ZBTB39: variants seen among roughly 807,000 people sequenced by gnomAD.
The protein encoded by ZBTB39 is zinc finger and BTB domain containing 39.
ZBTB39 carries 25 observed loss-of-function variants against 39.4 expected under a neutral mutation model. That is an observed-to-expected ratio of 0.63 (90% confidence interval 0.46 to 0.89). The LOEUF (loss-of-function observed/expected upper bound fraction) is 0.89. Ranked by LOEUF, ZBTB39 falls within the 40% of genes least tolerant of loss-of-function variation. ZBTB39 has a pLI of 0.00. For missense variants in ZBTB39, 891 were observed against 909.7 expected, an observed-to-expected ratio of 0.98 and a Z score of 0.26; for synonymous variants, 373 against 359.6, an observed-to-expected ratio of 1.04 and a Z score of -0.42.
Position 57,003,541 on chromosome 12 carries a change from T to C in ZBTB39, c.1377A>G (p.Val459=), listed in dbSNP as rs914099299. The C allele has an allele frequency of 6.2e-7, 1 of 1,614,138 alleles. No homozygotes were observed. Among genetic ancestry groups the C allele is most frequent in the Non-Finnish European group, 8.5e-7 (1 of 1,179,982 alleles). ...PELKCAACGK[V]LAKDFHVVRG... is the part of the protein sequence containing the mutation. ...GGACCACATGGAAATCTTTGGCCAA[T>C]ACTTTCCCACAGGCAGCGCATTTCA... The change falls in exon 2 of 2, where the codon GTA becomes GTG. Residue 459 remains valine, a synonymous_variant. Transcript: ENST00000300101. The surrounding 1 kb of genome is among the most constrained non-coding windows in gnomAD (Gnocchi z 4.8).
Position 57,003,444 on chromosome 12 carries a change from G to C in ZBTB39, c.1474C>G (p.Leu492Val). ...CSVCDQRHLN[L>V]CSLMWHTLSH... ...AGCGTGTGCCACATGAGGCTGCAGA[G>C]GTTAAGGTGACGCTGGTCGCAGACA... The change falls in exon 2 of 2, where the codon CTC becomes GTC. Residue 492 changes from leucine (L) to valine (V), a missense_variant. By Grantham distance (32) the Leu-to-Val change is conservative. Coordinates refer to ENST00000300101, the MANE Select transcript of ZBTB39 (RefSeq NM_014830.3). The surrounding 1 kb of genome is among the most constrained non-coding windows in gnomAD (Gnocchi z 4.8). 1 of 1,613,934 alleles carries C rather than the reference G, an allele frequency of 6.2e-7. No homozygotes were observed. The highest frequency in any genetic ancestry group is 8.5e-7 in the Non-Finnish European group (1 of 1,179,768).
Position 57,003,183 on chromosome 12 carries a change from G to C in ZBTB39, c.1735C>G (p.Leu579Val), listed in dbSNP as rs750052890. 1 of 1,613,982 alleles carries C rather than the reference G, an allele frequency of 6.2e-7. No homozygotes were observed. The highest frequency in any genetic ancestry group is 8.5e-7 in the Non-Finnish European group (1 of 1,180,010). ...TCTGCTGGCAGCTTCCGCTTCTGGA[G>C]AGCTGGGTGCTGCAGCCCAAAACCA... ...RPGFGLQHPALQKRKLPAEEF... is the reference protein window; with the variant it reads ...RPGFGLQHPAVQKRKLPAEEF... Residue 579 changes from leucine (L) to valine (V), a missense_variant, in exon 2 of 2, where the codon CTC (leucine) becomes GTC (valine). Leu to Val is a conservative substitution (Grantham distance 32). Transcript: ENST00000300101. This position sits in a 1 kb window ranked among gnomAD's most constrained non-coding sequence, Gnocchi z 4.8.
At position 57,004,892 on chromosome 12, in the gene ZBTB39, C is replaced by T; in HGVS notation, c.26G>A (p.Ser9Asn). 6.2e-7 allele frequency: 1 copy of T among 1,604,040 alleles called. No individual in the cohort carries two copies. Among genetic ancestry groups the T allele is most frequent in the Non-Finnish European group, 8.5e-7 (1 of 1,173,208 alleles). MGMRIKLQ[S>N]TNHPNNLLKE... ...CAGCAGGTTGTTGGGGTGGTTGGTG[C>T]TTTGCAGTTTGATCCTCATGCCCAT... Residue 9 changes from serine (S) to asparagine (N), a missense_variant, in exon 2 of 2, where the codon AGC becomes AAC. Ser to Asn is a conservative substitution (Grantham distance 46). Coordinates refer to ENST00000300101, the MANE Select transcript of ZBTB39 (RefSeq NM_014830.3).
In ZBTB39 at chr12:57,003,567, G is replaced by A. The variant is rs754134041; in HGVS notation, c.1351C>T (p.Leu451=). ...ACTTTCCCACAGGCAGCGCATTTCA[G>A]CTCTGGGGAGGCTGCCCCTGAAAAG... The part of the protein sequence containing the change: ...GLFSGAASPE[L]KCAACGKVLA... The change falls in exon 2 of 2, where the codon CTG becomes TTG. Residue 451 remains leucine (L), a synonymous_variant. Transcript: ENST00000300101. The surrounding 1 kb of genome is among the most constrained non-coding windows in gnomAD (Gnocchi z 4.8). 310 of 1,614,050 alleles carry A rather than the reference G, an allele frequency of 1.9e-4. No homozygotes were observed. Among genetic ancestry groups the A allele is most frequent in the Non-Finnish European group, 2.4e-4 (283 of 1,179,986 alleles).
chr12:57,005,083 T>C (rs1956237298), intron 1 of ZBTB39, 122 bp from the exon 2 acceptor site: 2 of 655,216 alleles, frequency 3.1e-6, no homozygotes, highest in Admixed American at 3.2e-5. Flanking sequence ...AGGAGTAAAC[T>C]GGCATGGAGA....
rs758995455 is a variant in ZBTB39 at position 57,003,901 on chromosome 12, C to T, written c.1017G>A (p.Glu339=). The T allele has an allele frequency of 2.5e-6, 4 of 1,614,218 alleles. No individual in the cohort carries two copies. The Admixed American group carries it at 6.7e-5, about 27-fold the overall frequency. The change falls in exon 2 of 2, where the codon GAG becomes GAA. Residue 339 remains glutamate (E), a synonymous_variant. Transcript: ENST00000300101. This position sits in a 1 kb window ranked among gnomAD's most constrained non-coding sequence, Gnocchi z 4.8. ...ELAFGENDNR[E]NKAMPCQVCK... Reference sequence around the variant, plus strand: ...ACACCTGGCAGGGCATGGCCTTATTCTCCCGATTGTCATTCTCTCCAAAAG... The same window carrying T: ...ACACCTGGCAGGGCATGGCCTTATTTTCCCGATTGTCATTCTCTCCAAAAG...
At position 57,005,960 on chromosome 12, in the gene ZBTB39, G is replaced by A. The variant is rs1956242610; in HGVS notation, c.-45+445C>T. 2.0e-5 allele frequency among the ~76,000 whole-genome samples: 3 copies of A among 152,306 alleles called. No homozygotes were observed. In the South Asian group the frequency reaches 6.2e-4, roughly 32 times the overall value. ...AAGCGTCTAAGTATTGTGGGGTACC[G>A]GCCAAGCATCTCCCGGGCCCTGGTG... On this transcript the variant is annotated intron_variant, in intron 1 of 1. Transcript: ENST00000300101.
At position 57,003,841 on chromosome 12, in the gene ZBTB39, G is replaced by C; in HGVS notation, c.1077C>G (p.Ile359Met). Residue 359 changes from isoleucine (I) to methionine (M), a missense_variant, in exon 2 of 2, where the codon ATC (isoleucine) becomes ATG (methionine). Ile to Met is a conservative substitution (Grantham distance 10, BLOSUM62 1). Coordinates refer to ENST00000300101, the MANE Select transcript of ZBTB39 (RefSeq NM_014830.3). This position sits in a 1 kb window ranked among gnomAD's most constrained non-coding sequence, Gnocchi z 4.8. ...KKVLEPNIQL[I>M]RQHARDHVDL... Reference sequence around the variant, plus strand: ...CCACATGGTCCCGAGCATGCTGCCGGATCAGTTGAATGTTGGGCTCTAGAA... The same window carrying C: ...CCACATGGTCCCGAGCATGCTGCCGCATCAGTTGAATGTTGGGCTCTAGAA... 1 of 1,614,184 alleles carries C rather than the reference G, an allele frequency of 6.2e-7. No individual in the cohort carries two copies. The highest frequency in any genetic ancestry group is 1.6e-4 in the Middle Eastern group (1 of 6,062).
chr12:57,003,515 C>T lies in ZBTB39; in HGVS notation c.1403G>A (p.Arg468Gln), dbSNP rs557531963. Residue 468 changes from arginine (R) to glutamine (Q), a missense_variant, in exon 2 of 2, where the codon CGG becomes CAG. Arg to Gln is a conservative substitution (Grantham distance 43). Coordinates refer to ENST00000300101, the MANE Select transcript of ZBTB39 (RefSeq NM_014830.3). This position sits in a 1 kb window ranked among gnomAD's most constrained non-coding sequence, Gnocchi z 4.8. ...GTTTAGATGGTCAAGGATGTGGCCC[C>T]GGACCACATGGAAATCTTTGGCCAA... ...KVLAKDFHVVRGHILDHLNLK... is the reference protein window; with the variant it reads ...KVLAKDFHVVQGHILDHLNLK... 7.4e-6 allele frequency: 12 copies of T among 1,613,998 alleles called. No individual in the cohort carries two copies. Among genetic ancestry groups the T allele is most frequent in the South Asian group, 3.3e-5 (3 of 91,080 alleles).
Position 57,001,025 on chromosome 12 carries a change from A to C in ZBTB39, c.*1754T>G, listed in dbSNP as rs1956207130. The C allele has an allele frequency of 6.6e-6, 1 of 152,246 alleles. No homozygotes were observed. 9.4% of individuals were successfully genotyped at this position (152,246 alleles called of 1,614,324 possible). A position where few individuals can be genotyped will look rare whatever the true frequency, so the allele number is the denominator to read the frequency against. On this transcript the variant is annotated 3_prime_UTR_variant, in exon 2 of 2. Transcript: ENST00000300101. Reference sequence around the variant, plus strand: ...AGGGGGATGAAAGGCCTGGAATTTAACTGTCCCGAACTTTATAGAACATAC... The same window carrying C: ...AGGGGGATGAAAGGCCTGGAATTTACCTGTCCCGAACTTTATAGAACATAC...
At chr12:57,005,703 T>C (rs1251468911) in intron 1 of ZBTB39, among the ~76,000 whole-genome samples, 1 of 152,196 alleles carries the variant, frequency 6.6e-6, no homozygotes, top group Non-Finnish European at 1.5e-5. Context: ...GGGTTTATAT[T>C]TTGTTGTCCC....
At position 57,001,709 on chromosome 12, in the gene ZBTB39, G is replaced by C. The variant is rs956533108; in HGVS notation, c.*1070C>G. On this transcript the variant is annotated 3_prime_UTR_variant, in exon 2 of 2. Coordinates refer to ENST00000300101, the MANE Select transcript of ZBTB39 (RefSeq NM_014830.3). ...TTAGCACAAAGTAAACAGGTTACCC[G>C]ACTAGGACAGACAGTCAGAACGCAC... The C allele has an allele frequency of 6.6e-6, 1 of 150,866 alleles. No homozygotes were observed. The highest frequency in any genetic ancestry group is 1.5e-5 in the Non-Finnish European group (1 of 67,542). 9.3% of individuals were successfully genotyped at this position (150,866 alleles called of 1,614,324 possible). A position where few individuals can be genotyped will look rare whatever the true frequency, so the allele number is the denominator to read the frequency against.
rs368816933 is a variant in ZBTB39 at position 57,003,660 on chromosome 12, G to A, written c.1258C>T (p.Arg420Trp). 4.2e-5 allele frequency: 68 copies of A among 1,614,052 alleles called. No individual in the cohort carries two copies. The highest frequency in any genetic ancestry group is 1.6e-4 in the Middle Eastern group (1 of 6,084). ...ATGTTGTTCTCAAATATTCCATCCC[G>A]TCGGTGAAGGGTCAGCTGCCACTGG... ...FTQWQLTLHR[R>W]DGIFENNIIV... The change falls in exon 2 of 2, where the codon CGG (arginine) becomes TGG (tryptophan). Residue 420 changes from arginine (R) to tryptophan (W), a missense_variant. Arg to Trp is a moderately radical substitution (Grantham distance 101, BLOSUM62 -3). Coordinates refer to ENST00000300101, the MANE Select transcript of ZBTB39 (RefSeq NM_014830.3). This position sits in a 1 kb window ranked among gnomAD's most constrained non-coding sequence, Gnocchi z 4.8.
Position 57,004,381 on chromosome 12 carries a change from T to A in ZBTB39, c.537A>T (p.Gly179=), listed in dbSNP as rs759133935. ...DRNYVLPSDA[G]GSYKEEEKNV... Reference sequence around the variant, plus strand: ...TCTTCTCTTCCTCTTTATAGCTCCCTCCAGCATCACTGGGCAACACATAGT... The same window carrying A: ...TCTTCTCTTCCTCTTTATAGCTCCCACCAGCATCACTGGGCAACACATAGT... The change falls in exon 2 of 2, where the codon GGA becomes GGT. Residue 179 remains glycine, a synonymous_variant. Coordinates refer to ENST00000300101, the MANE Select transcript of ZBTB39 (RefSeq NM_014830.3). The A allele has an allele frequency of 1.7e-5, 28 of 1,614,042 alleles. No homozygotes were observed. The African/African-American group carries it at 1.7e-4, about 10-fold the overall frequency.
In ZBTB39 at chr12:57,002,940, T is replaced by C. The variant is rs1956218556; in HGVS notation, c.1978A>G (p.Met660Val). Residue 660 changes from methionine (M) to valine (V), a missense_variant, in exon 2 of 2, where the codon ATG (methionine) becomes GTG (valine). By Grantham distance (21) the Met-to-Val change is conservative. Transcript: ENST00000300101. ...CHLKTHSGAL[M>V]YRCTVCGHYS... ...TGCCCACAGACTGTGCAGCGGTACATGAGGGCCCCCGAGTGTGTCTTTAGG... is the reference window on the plus strand; with the variant it reads ...TGCCCACAGACTGTGCAGCGGTACACGAGGGCCCCCGAGTGTGTCTTTAGG... 2 of 1,614,216 alleles carry C rather than the reference T, an allele frequency of 1.2e-6. No individual in the cohort carries two copies. Among genetic ancestry groups the C allele is most frequent in the Non-Finnish European group, 1.7e-6 (2 of 1,180,040 alleles).
intron 1 of ZBTB39, 74 bp from the exon 2 acceptor site, chr12:57,005,035 C>A: frequency 9.0e-7 from 1 of 1,106,906 alleles, no homozygotes; most frequent in Non-Finnish European, 1.3e-6. Context: ...GGAGAAAATA[C>A]CATCACTCTG....
rs759695220 is a variant in ZBTB39 at position 57,004,800 on chromosome 12, A to T, written c.118T>A (p.Ser40Thr). Reference sequence around the variant, plus strand: ...AGCACAGCCTTGTGGGCCGGGAAGGAGCGGCTCCCCACCACAATGGTGACG... The same window carrying T: ...AGCACAGCCTTGTGGGCCGGGAAGGTGCGGCTCCCCACCACAATGGTGACG... ...CDVTIVVGSR[S>T]FPAHKAVLAC... The change falls in exon 2 of 2, where the codon TCC becomes ACC. Residue 40 changes from serine (S) to threonine (T), a missense_variant. Ser to Thr is a moderately conservative substitution (Grantham distance 58). Coordinates refer to ENST00000300101, the MANE Select transcript of ZBTB39 (RefSeq NM_014830.3). 6.2e-6 allele frequency: 10 copies of T among 1,614,080 alleles called. No individual in the cohort carries two copies. The East Asian group carries it at 2.2e-4, about 36-fold the overall frequency.
Position 56,999,923 on chromosome 12 carries a change from TA to T in ZBTB39, c.*2855del, listed in dbSNP as rs943284628. 2.6e-5 allele frequency: 4 copies of T among 152,172 alleles called. No individual in the cohort carries two copies. Among genetic ancestry groups the T allele is most frequent in the African/African-American group, 9.7e-5 (4 of 41,422 alleles). The allele number at this position is 152,172 out of a possible 1,614,324, so 9.4% of individuals were successfully genotyped here. A position where few individuals can be genotyped will look rare whatever the true frequency, so the allele number is the denominator to read the frequency against. ...ATGGGAGAAGAGGATGTTCAAGGCT[TA>T]AACAGAACTTCAGAGTAACACAGAA... On this transcript the variant is annotated 3_prime_UTR_variant, in exon 2 of 2. Transcript: ENST00000300101.
Position 57,002,996 on chromosome 12 carries a change from A to T in ZBTB39, c.1922T>A (p.Phe641Tyr), listed in dbSNP as rs1030123611. ...CTTGATGGTCGAGCGGCCTCGAAAG[A>T]ACTTGTGGCACACCTTACATTGGTA... is the stretch of plus-strand genomic sequence containing the variant. Reference protein sequence around the residue: ...KPYQCKVCHKFFRGRSTIKCH... With the variant: ...KPYQCKVCHKYFRGRSTIKCH... The change falls in exon 2 of 2, where the codon TTC becomes TAC. Residue 641 changes from phenylalanine (F) to tyrosine (Y), a missense_variant. Physicochemically the swap from Phe to Tyr is conservative, Grantham distance 22. Transcript: ENST00000300101. 6.2e-7 allele frequency: 1 copy of T among 1,614,224 alleles called. No individual in the cohort carries two copies.
Sources: allele counts gnomAD v4.1 joint callset (sites outside exome capture counted in the v4.1 genomes callset), GRCh38; gene constraint gnomAD v4.1.1; non-coding constraint Gnocchi (gnomAD v3.1); transcripts MANE v1.5; gene names NCBI Gene and HGNC (gene_info 2026-07-23, HGNC 2026-07-21).